The following BIVM variants were observed in gnomAD, a reference collection of about 807,000 sequenced individuals.
BIVM encodes the protein basic immunoglobulin-like variable motif-containing protein.
A neutral mutation model predicts 61.4 loss-of-function variants in BIVM; 31 were observed. The observed-to-expected ratio is 0.51, with a 90% CI of 0.38 to 0.68. The LOEUF (loss-of-function observed/expected upper bound fraction) is 0.68, where lower values mean the gene tolerates loss of function less well. Ranked by LOEUF, BIVM falls within the 30% of genes least tolerant of loss-of-function variation. The pLI is 0.00. For missense variants in BIVM, 526 were observed against 596.0 expected (o/e 0.88, Z 1.22); for synonymous variants, 189 against 210.7 (o/e 0.90, Z 0.89).
At chr13:102,822,009 A>G (rs1037877657) in intron 6 of BIVM, 56 bp from the exon 7 acceptor site, 83 of 1,595,450 alleles carry the variant, frequency 5.2e-5, no homozygotes, top group Non-Finnish European at 6.6e-5. Flanking sequence ...GAATTGGAAT[A>G]ATGCCATCTT....
chr13:102,819,147 C>G (rs1028616303), intron 4 of BIVM, among the ~76,000 whole-genome samples: 1 of 152,106 alleles, frequency 6.6e-6, no homozygotes, highest in South Asian at 2.1e-4. Flanking sequence ...AGTTCACACT[C>G]ATATTTAAAC....
At chr13:102,808,337 G>T (rs1879242360) in intron 3 of BIVM, among the ~76,000 whole-genome samples, 1 of 152,116 alleles carries the variant, frequency 6.6e-6, no homozygotes, top group Non-Finnish European at 1.5e-5. Context: ...AGTAATACAG[G>T]AATTTTATGA....
intron 1 of BIVM, among the ~76,000 whole-genome samples, chr13:102,804,812 T>A (rs1177257897): frequency 1.3e-5 from 2 of 152,130 alleles, no homozygotes; most frequent in Non-Finnish European, 2.9e-5. Context: ...GTAAAGAAAA[T>A]GGAATTTTGC....
chr13:102,800,325 C>G (rs1878665553), intron 1 of BIVM: 1 of 152,378 alleles, frequency 6.6e-6, no homozygotes, highest in African/African-American at 2.4e-5. Flanking sequence ...CCTCGGCGCG[C>G]TCCCCCTGGC....
intron 1 of BIVM, among the ~76,000 whole-genome samples, chr13:102,804,466 A>G (rs1878935557): frequency 6.6e-6 from 1 of 151,770 alleles, no homozygotes; most frequent in African/African-American, 2.4e-5. Context: ...GCGCGCCATC[A>G]TGCCCAGCTA....
Position 102,839,769 on chromosome 13 carries a change from T to C in BIVM, c.1416T>C (p.Ser472=), listed in dbSNP as rs1384670405. 5 of 1,614,048 alleles carry C rather than the reference T, an allele frequency of 3.1e-6. No individual in the cohort carries two copies. Among genetic ancestry groups the C allele is most frequent in the Non-Finnish European group, 4.2e-6 (5 of 1,180,050 alleles). Reference sequence around the variant, plus strand: ...GTCTGGGCCGGTCTTTCAGTGCTAGTTTCCATCAGGACTCGGCATGGAAAA... The same window carrying C: ...GTCTGGGCCGGTCTTTCAGTGCTAGCTTCCATCAGGACTCGGCATGGAAAA... ...HGRLGRSFSA[S]FHQDSAWKKM... Residue 472 remains serine, a synonymous_variant, in exon 11 of 11, where the codon AGT becomes AGC. Coordinates refer to ENST00000257336, the MANE Select transcript of BIVM (RefSeq NM_017693.4).
Position 102,839,630 on chromosome 13 carries a change from G to C in BIVM, c.1277G>C (p.Gly426Ala), listed in dbSNP as rs1484594654. Residue 426 changes from glycine to alanine, a missense_variant, in exon 11 of 11, where the codon GGC (glycine) becomes GCC (alanine). By Grantham distance (60) the Gly-to-Ala change is moderately conservative (BLOSUM62 0). Around this residue, in one of 3 missense-constraint regions of BIVM, gnomAD observed 210 missense variants for 233.1 expected, o/e 0.90. Coordinates refer to ENST00000257336, the MANE Select transcript of BIVM (RefSeq NM_017693.4). ...CAGAGACTTAACTGGCAAAGATTTG[G>C]CCTTTGGAACTTTCCATTTGGAACC... is the stretch of plus-strand genomic sequence containing the variant. The part of the protein sequence containing the change: ...AFQRLNWQRF[G>A]LWNFPFGTIR... 1 of 1,614,130 alleles carries C rather than the reference G, an allele frequency of 6.2e-7. No homozygotes were observed.
intron 1 of BIVM, among the ~76,000 whole-genome samples, chr13:102,803,883 C>T (rs1220474388): frequency 6.6e-6 from 1 of 152,170 alleles, no homozygotes. Flanking sequence ...TCCAAAAAGA[C>T]AAGAGTTTGG....
At chr13:102,834,195 A>AT (rs989547584) in intron 8 of BIVM, among the ~76,000 whole-genome samples, 5 of 151,814 alleles carry the variant, frequency 3.3e-5, no homozygotes, top group Admixed American at 1.3e-4. Flanking sequence ...GCATTCCAGG[A>AT]TTTTTTTTTC....
At chr13:102,802,008 T>C (rs960505955) in intron 1 of BIVM, among the ~76,000 whole-genome samples, 2 of 152,188 alleles carry the variant, frequency 1.3e-5, no homozygotes, top group Non-Finnish European at 2.9e-5. Context: ...CAGATAGATC[T>C]AGGGACCATC....
At chr13:102,799,575 G>GC (rs1878603050) in intron 1 of BIVM, 54 bp downstream of exon 1, 3 of 152,344 alleles carry the variant, frequency 2.0e-5, no homozygotes, top group Non-Finnish European at 2.9e-5. Context: ...TGCGCTCTGA[G>GC]CGCCTGGCCC....
chr13:102,827,858 G>A (rs1880784610), intron 7 of BIVM, among the ~76,000 whole-genome samples: 1 of 152,154 alleles, frequency 6.6e-6, no homozygotes, highest in Admixed American at 6.6e-5. Context: ...TAAAGCAGAC[G>A]TCTCTTCCGT....
intron 3 of BIVM, among the ~76,000 whole-genome samples, chr13:102,809,152 T>C (rs531037901): frequency 6.6e-6 from 1 of 152,340 alleles, no homozygotes; most frequent in East Asian, 1.9e-4. Context: ...ACCATAAGCA[T>C]AGAATACTCC....
chr13:102,816,638 A>C, intron 4 of BIVM, 84 bp downstream of exon 4: 1 of 1,163,864 alleles, frequency 8.6e-7, no homozygotes, highest in African/African-American at 1.6e-5. Context: ...AAATTAATAC[A>C]TTATATGTAT....
At chr13:102,828,065 C>T (rs1781229008) in intron 7 of BIVM, among the ~76,000 whole-genome samples, 1 of 152,190 alleles carries the variant, frequency 6.6e-6, no homozygotes, top group East Asian at 1.9e-4. Context: ...TTCCTGGGGA[C>T]CACGCTGTTG....
chr13:102,827,217 T>C (rs1880732837), intron 7 of BIVM, among the ~76,000 whole-genome samples: 1 of 151,926 alleles, frequency 6.6e-6, no homozygotes, highest in African/African-American at 2.4e-5. Context: ...AATGATTTGG[T>C]GCATGTGTTA....
chr13:102,812,733 G>T (rs533599483), intron 3 of BIVM, among the ~76,000 whole-genome samples: 23 of 152,222 alleles, frequency 1.5e-4, no homozygotes, highest in African/African-American at 5.5e-4. Flanking sequence ...AAAAAAAACA[G>T]AACAAAAAAA....
At chr13:102,821,668 A>G (rs905383886) in intron 5 of BIVM, 75 bp from the exon 6 acceptor site, 5 of 1,285,004 alleles carry the variant, frequency 3.9e-6, no homozygotes, top group Admixed American at 4.7e-5. Flanking sequence ...AGACAAGCAT[A>G]TTAACATTGA....
At chr13:102,814,888 A>T (rs935187312) in intron 3 of BIVM, among the ~76,000 whole-genome samples, 2 of 152,164 alleles carry the variant, frequency 1.3e-5, no homozygotes, top group Non-Finnish European at 2.9e-5. Flanking sequence ...TGTTAAAAAT[A>T]CAAAAATTAG....
Sources: gnomAD v4.1 joint callset for allele counts (sites outside exome capture counted in the v4.1 genomes callset) on GRCh38, gnomAD v4.1.1 for gene constraint, gnomAD v4.1.1 regional missense constraint, MANE v1.5 for transcripts, NCBI Gene and HGNC (gene_info 2026-07-23, HGNC 2026-07-21) for gene names.